The following RASGRP1 variants were observed in gnomAD, a reference collection of about 807,000 sequenced individuals.
RASGRP1 encodes RAS guanyl-releasing protein 1.
In RASGRP1, 37 loss-of-function variants were observed where a neutral mutation model predicts 95.1. The observed-to-expected ratio is 0.39, with a 90% CI of 0.30 to 0.51. RASGRP1 has a LOEUF of 0.51. Among genes scored for constraint, RASGRP1 ranks in the 20% least tolerant of loss-of-function variants. RASGRP1 has a pLI of 0.80. For synonymous variants in RASGRP1, 325 were observed against 353.4 expected (o/e 0.92, Z 0.90); for missense variants, 711 against 965.4 (o/e 0.74, Z 3.49).
chr15:38,558,634 T>C (rs773631647), intron 2 of RASGRP1, among the ~76,000 whole-genome samples: 1 of 152,164 alleles, frequency 6.6e-6, no homozygotes, highest in Non-Finnish European at 1.5e-5. Flanking sequence ...CAATGTGTGC[T>C]AAAAAACAAA....
intron 15 of RASGRP1, among the ~76,000 whole-genome samples, chr15:38,498,375 T>C (rs1458269696): frequency 6.6e-6 from 1 of 152,236 alleles, no homozygotes; most frequent in Non-Finnish European, 1.5e-5. Context: ...TGCCTTTTAA[T>C]GTGATTTATA....
chr15:38,502,444 G>A (rs1428127092), intron 11 of RASGRP1, 23 bp from the exon 12 acceptor site: 2 of 1,457,542 alleles, frequency 1.4e-6, no homozygotes, highest in Non-Finnish European at 9.6e-7. Context: ...AGTTTTTTTG[G>A]TGATTACTAA....
chr15:38,499,146 T>C lies in RASGRP1; in HGVS notation c.1721-200A>G, dbSNP rs762518039. The C allele has an allele frequency of 8.1e-6, 6 of 744,312 alleles. No homozygotes were observed. The African/African-American group carries it at 8.5e-5, about 11-fold the overall frequency. 46.1% of individuals were successfully genotyped at this position (744,312 alleles called of 1,614,324 possible). A position where few individuals can be genotyped will look rare whatever the true frequency, so the allele number is the denominator to read the frequency against. On this transcript the variant is annotated intron_variant, in intron 14 of 16. Transcript: ENST00000310803. ...GAGCTCACACTCTTGATGTAGCCCT[T>C]ATCAGTGAATCTCAGCATCAGAAGC...
intron 13 of RASGRP1, among the ~76,000 whole-genome samples, chr15:38,500,824 A>G (rs1890986839): frequency 6.6e-6 from 1 of 152,212 alleles, no homozygotes; most frequent in South Asian, 2.1e-4. Context: ...TTATCTCCTA[A>G]AGACAGAAGG....
chr15:38,488,749 A>C lies in RASGRP1; in HGVS notation c.*1805T>G, dbSNP rs1264911368. ...ACCATCTTTGGTCTATATCAATCAA[A>C]GGAAAACAAGAATAGTGAAGAATAT... is the stretch of plus-strand genomic sequence containing the variant. On this transcript the variant is annotated 3_prime_UTR_variant, in exon 17 of 17. Coordinates refer to ENST00000310803, the MANE Select transcript of RASGRP1 (RefSeq NM_005739.4). 1 of 152,028 alleles carries C rather than the reference A, an allele frequency of 6.6e-6. No individual in the cohort carries two copies. Among genetic ancestry groups the C allele is most frequent in the African/African-American group, 2.4e-5 (1 of 41,454 alleles). The allele number at this position is 152,028 out of a possible 1,614,324, so 9.4% of individuals were successfully genotyped here. A position where few individuals can be genotyped will look rare whatever the true frequency, so the allele number is the denominator to read the frequency against.
intron 11 of RASGRP1, among the ~76,000 whole-genome samples, chr15:38,502,689 G>T (rs1020687068): frequency 6.6e-6 from 1 of 152,140 alleles, no homozygotes; most frequent in Non-Finnish European, 1.5e-5. Flanking sequence ...CTAGTTCACT[G>T]CGCAGAGGGA....
chr15:38,518,221 C>G (rs1195815519), intron 5 of RASGRP1, 71 bp downstream of exon 5: 1 of 1,497,262 alleles, frequency 6.7e-7, no homozygotes, highest in Non-Finnish European at 9.2e-7. Context: ...GTCAGAAGCC[C>G]AACAAGCAAC....
intron 1 of RASGRP1, among the ~76,000 whole-genome samples, chr15:38,561,094 T>C (rs996196210): frequency 6.6e-6 from 1 of 152,238 alleles, no homozygotes; most frequent in Non-Finnish European, 1.5e-5. Context: ...GGTTATTTTG[T>C]AGTTTACTAC....
In RASGRP1 at chr15:38,560,018, A is replaced by T; in HGVS notation, c.36-13T>A. 14 of 1,604,874 alleles carry T rather than the reference A, an allele frequency of 8.7e-6. No homozygotes were observed. Among genetic ancestry groups the T allele is most frequent in the Non-Finnish European group, 1.2e-5 (14 of 1,174,146 alleles). ...ATGGGAAGGTTTCCTGGGGAAAGAG[A>T]GAAGGCAGTGAGGGGACAAACGGGC... On this transcript the variant is annotated splice_polypyrimidine_tract_variant and intron_variant, in intron 1 of 16. Transcript: ENST00000310803.
intron 2 of RASGRP1, 77 bp from the exon 3 acceptor site, chr15:38,526,481 T>C: frequency 9.3e-7 from 1 of 1,078,544 alleles, no homozygotes; most frequent in Non-Finnish European, 1.4e-6. Flanking sequence ...GCAAACCCTC[T>C]GTGACTCAGG....
At chr15:38,542,524 G>A (rs954057244) in intron 2 of RASGRP1, among the ~76,000 whole-genome samples, 12 of 151,162 alleles carry the variant, frequency 7.9e-5, no homozygotes, top group Non-Finnish European at 1.8e-4. Flanking sequence ...CCTTGCCCTG[G>A]AGTAGATCTA....
chr15:38,536,529 C>T (rs189045719), intron 2 of RASGRP1, among the ~76,000 whole-genome samples: 18 of 152,202 alleles, frequency 1.2e-4, no homozygotes, highest in Non-Finnish European at 2.4e-4. Context: ...GAGAACTTCC[C>T]AAATACTTAC....
At chr15:38,557,629 G>GTGTGTGTGTGTGTA (rs745934661) in intron 2 of RASGRP1, among the ~76,000 whole-genome samples, 28 of 147,460 alleles carry the variant, frequency 1.9e-4, no homozygotes, top group South Asian at 4.3e-4. Flanking sequence ...GTGTGTGTGT[G>GTGTGTGTGTGTGTA]TATATATATA....
chr15:38,508,037 T>C, intron 8 of RASGRP1, 36 bp from the exon 9 acceptor site: 1 of 1,564,804 alleles, frequency 6.4e-7, no homozygotes, highest in East Asian at 2.4e-5. Flanking sequence ...AGGTACCCGC[T>C]AGGCAGTGTG....
At chr15:38,497,429 G>A (rs1890838422) in intron 15 of RASGRP1, among the ~76,000 whole-genome samples, 1 of 149,816 alleles carries the variant, frequency 6.7e-6, no homozygotes, top group Non-Finnish European at 1.5e-5. Flanking sequence ...TACTAAAGCT[G>A]TTCTGCCCTT....
intron 3 of RASGRP1, chr15:38,524,281 C>G (rs1892111528): frequency 6.6e-6 from 1 of 152,104 alleles, no homozygotes; most frequent in African/African-American, 2.4e-5. Context: ...ACTTGAAAGT[C>G]ACCATCAGCA....
intron 16 of RASGRP1, among the ~76,000 whole-genome samples, chr15:38,493,174 C>T (rs916719200): frequency 3.5e-5 from 5 of 142,508 alleles, no homozygotes; most frequent in African/African-American, 7.7e-5. Context: ...GCCACCACGC[C>T]GGGCCTTTTT....
At chr15:38,546,806 T>C (rs1233739950) in intron 2 of RASGRP1, among the ~76,000 whole-genome samples, 2 of 152,218 alleles carry the variant, frequency 1.3e-5, no homozygotes, top group African/African-American at 2.4e-5. Flanking sequence ...CTGACTCATG[T>C]TGAATTTACA....
intron 1 of RASGRP1, among the ~76,000 whole-genome samples, chr15:38,562,220 T>C (rs1173536928): frequency 5.3e-5 from 8 of 152,210 alleles, no homozygotes; most frequent in African/African-American, 1.9e-4. Context: ...AGCAAAATCC[T>C]TCAAAAGCAT....
Sources: gnomAD v4.1 joint callset for allele counts (sites outside exome capture counted in the v4.1 genomes callset) on GRCh38, gnomAD v4.1.1 for gene constraint, MANE v1.5 for transcripts, NCBI Gene and HGNC (gene_info 2026-07-23, HGNC 2026-07-21) for gene names.